NELL2: variants seen among roughly 807,000 people sequenced by gnomAD.
NELL2 encodes neural EGFL like 2, also known as protein kinase C-binding protein NELL2.
In NELL2, 41 loss-of-function variants were observed where a neutral mutation model predicts 109.6. The ratio of observed to expected loss-of-function variants is 0.37; its 90% CI spans 0.29 to 0.49. The LOEUF (loss-of-function observed/expected upper bound fraction) is 0.49, where lower values mean the gene tolerates loss of function less well. Ranked by LOEUF, NELL2 falls within the 20% of genes least tolerant of loss-of-function variation. The pLI is 0.98. For missense variants in NELL2, 900 were observed against 1,008.3 expected (o/e 0.89, Z 1.45); for synonymous variants, 355 against 344.7 (o/e 1.03, Z -0.33).
At chr12:44,591,532 C>G (rs932305458) in intron 15 of NELL2, among the ~76,000 whole-genome samples, 18 of 152,020 alleles carry the variant, frequency 1.2e-4, no homozygotes, top group Admixed American at 2.6e-4. Flanking sequence ...AAGAGAAATA[C>G]CACATGCTGT....
At chr12:44,594,463 CAT>C (rs1944882200) in intron 15 of NELL2, among the ~76,000 whole-genome samples, 2 of 151,914 alleles carry the variant, frequency 1.3e-5, no homozygotes, top group Non-Finnish European at 2.9e-5. Flanking sequence ...AGGGGGTTGC[CAT>C]AAAACTTTTG....
intron 13 of NELL2, among the ~76,000 whole-genome samples, chr12:44,613,476 G>C (rs927918473): frequency 2.6e-5 from 4 of 152,026 alleles, no homozygotes; most frequent in African/African-American, 9.7e-5. Flanking sequence ...CAAACACAGA[G>C]CTCTTAAAAA....
At chr12:44,614,123 A>G (rs954614571) in intron 13 of NELL2, among the ~76,000 whole-genome samples, 6 of 152,030 alleles carry the variant, frequency 3.9e-5, no homozygotes, top group East Asian at 3.9e-4. Context: ...TATCCAATCT[A>G]TAAGACTCAA....
Position 44,609,209 on chromosome 12 carries a change from C to A in NELL2, c.1567+1639G>T, listed in dbSNP as rs182312877. Among the ~76,000 whole-genome samples the A allele has an allele frequency of 4.3e-3, 649 of 152,038 alleles. 11 individuals are homozygous for A. The highest frequency in any genetic ancestry group is 0.033 in the South Asian group (158 of 4,816). On this transcript the variant is annotated intron_variant, in intron 14 of 19. Coordinates refer to ENST00000429094, the MANE Select transcript of NELL2 (RefSeq NM_001145108.2). ...AAGCAATCCATCTGCCTTGGCCCCC[C>A]AAAGTGCTAGGATTACAGGTGTGAG...
intron 15 of NELL2, among the ~76,000 whole-genome samples, chr12:44,577,364 A>G (rs866929519): frequency 0.015 from 1,959 of 131,392 alleles, 36 homozygotes; most frequent in African/African-American, 0.055. Context: ...GTGTCTGTTC[A>G]TGTCCTTTGC....
At chr12:44,781,639 T>A (rs1941963212) in intron 3 of NELL2, among the ~76,000 whole-genome samples, 1 of 151,798 alleles carries the variant, frequency 6.6e-6, no homozygotes, top group African/African-American at 2.4e-5. Flanking sequence ...AAAGAAAAAA[T>A]TTGAAAGTAG....
intron 3 of NELL2, among the ~76,000 whole-genome samples, chr12:44,784,244 A>T (rs751271110): frequency 5.9e-5 from 9 of 152,092 alleles, no homozygotes; most frequent in Non-Finnish European, 1.0e-4. Flanking sequence ...TCTCTCTAAC[A>T]TCAGAACAAG....
chr12:44,567,704 C>T (rs554682592), intron 15 of NELL2, among the ~76,000 whole-genome samples: 1 of 152,096 alleles, frequency 6.6e-6, no homozygotes, highest in South Asian at 2.1e-4. Context: ...TAATTTGCTA[C>T]CCTAAACCAG....
intron 1 of NELL2, among the ~76,000 whole-genome samples, chr12:44,901,435 A>C (rs1945659652): frequency 1.3e-5 from 2 of 152,200 alleles, no homozygotes; most frequent in South Asian, 4.1e-4. Context: ...CCAGCCTAGA[A>C]CCAGATGGAT....
chr12:44,603,913 A>C (rs1945306321), intron 15 of NELL2, among the ~76,000 whole-genome samples: 1 of 152,218 alleles, frequency 6.6e-6, no homozygotes, highest in Admixed American at 6.5e-5. Flanking sequence ...GTGATGGCTC[A>C]GCAGATGGCC....
intron 3 of NELL2, among the ~76,000 whole-genome samples, chr12:44,805,186 A>G (rs1393058815): frequency 6.6e-6 from 1 of 151,918 alleles, no homozygotes; most frequent in Non-Finnish European, 1.5e-5. Context: ...ATGTTACTAC[A>G]TTAACCCATA....
intron 1 of NELL2, among the ~76,000 whole-genome samples, chr12:44,911,027 T>G (rs1204862875): frequency 1.3e-5 from 2 of 151,646 alleles, no homozygotes; most frequent in African/African-American, 2.4e-5. Flanking sequence ...GAGGGTAAGG[T>G]TGAAAAATTG....
intron 13 of NELL2, among the ~76,000 whole-genome samples, chr12:44,654,192 A>G (rs1191498072): frequency 6.6e-6 from 1 of 152,180 alleles, no homozygotes; most frequent in African/African-American, 2.4e-5. Flanking sequence ...CCATCTATTA[A>G]ATTGGACAAT....
At chr12:44,702,747 GT>G in intron 12 of NELL2, among the ~76,000 whole-genome samples, 1 of 152,198 alleles carries the variant, frequency 6.6e-6, no homozygotes, top group South Asian at 2.1e-4. Flanking sequence ...GACTGAATCA[GT>G]AGCATTTAAA....
chr12:44,664,192 A>G (rs1204399017), intron 13 of NELL2, among the ~76,000 whole-genome samples: 1 of 152,056 alleles, frequency 6.6e-6, no homozygotes, highest in Non-Finnish European at 1.5e-5. Flanking sequence ...GTCCTACGTC[A>G]AGAAACTCTT....
intron 15 of NELL2, among the ~76,000 whole-genome samples, chr12:44,587,478 G>T (rs1352108481): frequency 1.3e-5 from 2 of 151,436 alleles, no homozygotes; most frequent in African/African-American, 4.9e-5. Context: ...TATTTCATAT[G>T]TATTTTCATA....
At chr12:44,841,724 T>C (rs551694776) in intron 2 of NELL2, among the ~76,000 whole-genome samples, 17 of 152,266 alleles carry the variant, frequency 1.1e-4, no homozygotes, top group Non-Finnish European at 2.2e-4. Flanking sequence ...AAACATCTCC[T>C]GGGCTATAAG....
intron 2 of NELL2, among the ~76,000 whole-genome samples, chr12:44,839,580 A>T (rs1285506044): frequency 1.3e-5 from 2 of 152,252 alleles, no homozygotes; most frequent in Non-Finnish European, 2.9e-5. Flanking sequence ...AGTTTTATGC[A>T]GAAATACTAA....
At chr12:44,643,877 A>G (rs1358470529) in intron 13 of NELL2, among the ~76,000 whole-genome samples, 3 of 152,202 alleles carry the variant, frequency 2.0e-5, no homozygotes, top group Admixed American at 1.3e-4. Flanking sequence ...GTGTGTCTGT[A>G]CTTTCAACAA....
Sources: gnomAD v4.1 joint callset for allele counts (sites outside exome capture counted in the v4.1 genomes callset) on GRCh38, gnomAD v4.1.1 for gene constraint, MANE v1.5 for transcripts, NCBI Gene and HGNC (gene_info 2026-07-23, HGNC 2026-07-21) for gene names.